Variants in IGF2BP3 observed in about 807,000 individuals in gnomAD.
IGF2BP3 encodes the protein insulin-like growth factor 2 mRNA-binding protein 3.
Under a neutral mutation model 73.8 loss-of-function variants are expected in IGF2BP3, and 9 were observed. The observed-to-expected ratio is 0.12, with a 90% CI of 0.07 to 0.21. The LOEUF (loss-of-function observed/expected upper bound fraction) is 0.21, where lower values mean the gene tolerates loss of function less well. IGF2BP3 is among the 10% of genes least tolerant of loss of function. The pLI, the probability that IGF2BP3 is intolerant of heterozygous loss-of-function variation, is 1.00. For synonymous variants in IGF2BP3, 258 were observed against 256.7 expected (o/e 1.01, Z -0.05); for missense variants, 542 against 714.0 (o/e 0.76, Z 2.75).
At chr7:23,403,667 G>A (rs1407621941) in intron 3 of IGF2BP3, among the ~76,000 whole-genome samples, 2 of 152,174 alleles carry the variant, frequency 1.3e-5, no homozygotes, top group Non-Finnish European at 2.9e-5. Flanking sequence ...AAAAAAGGAG[G>A]TTCTGCCTAG....
intron 5 of IGF2BP3, among the ~76,000 whole-genome samples, chr7:23,359,941 T>C (rs1204209279): frequency 6.6e-6 from 1 of 152,034 alleles, no homozygotes; most frequent in Admixed American, 6.6e-5. Flanking sequence ...CGAGACCTTA[T>C]ATAAATTGCC....
At chr7:23,454,948 G>A (rs1584063304) in intron 2 of IGF2BP3, among the ~76,000 whole-genome samples, 1 of 152,124 alleles carries the variant, frequency 6.6e-6, no homozygotes, top group Admixed American at 6.5e-5. Context: ...TCCTAGTCCT[G>A]TATCACAATT....
At chr7:23,397,479 CA>C (rs1367505788) in intron 3 of IGF2BP3, among the ~76,000 whole-genome samples, 2 of 152,214 alleles carry the variant, frequency 1.3e-5, no homozygotes, top group Admixed American at 6.5e-5. Context: ...TCTAAGGTCT[CA>C]AACTGGCCTT....
intron 3 of IGF2BP3, among the ~76,000 whole-genome samples, chr7:23,376,948 A>G (rs1050648071): frequency 6.6e-6 from 1 of 152,252 alleles, no homozygotes; most frequent in Admixed American, 6.5e-5. Flanking sequence ...TAAAGAAATC[A>G]GCAGGAATGT....
chr7:23,429,112 C>T (rs748891479), intron 2 of IGF2BP3, among the ~76,000 whole-genome samples: 1 of 152,148 alleles, frequency 6.6e-6, no homozygotes, highest in Non-Finnish European at 1.5e-5. Flanking sequence ...ACAATCTGGT[C>T]ACTAGAGGCA....
intron 2 of IGF2BP3, among the ~76,000 whole-genome samples, chr7:23,437,095 G>A (rs541558369): frequency 3.9e-4 from 60 of 152,044 alleles, no homozygotes; most frequent in African/African-American, 1.2e-3. Context: ...CTCCAGCCTG[G>A]GCGATAGAGT....
chr7:23,385,184 T>C (rs1786042944), intron 3 of IGF2BP3, among the ~76,000 whole-genome samples: 1 of 152,182 alleles, frequency 6.6e-6, no homozygotes, highest in South Asian at 2.1e-4. Flanking sequence ...ATAATGGAGC[T>C]CTCAAATCTA....
chr7:23,398,127 T>C (rs1360949389), intron 3 of IGF2BP3, among the ~76,000 whole-genome samples: 1 of 146,088 alleles, frequency 6.8e-6, no homozygotes, highest in Non-Finnish European at 1.5e-5. Context: ...GTGTTCTCAT[T>C]GTTCAGTTCC....
At chr7:23,444,022 C>G (rs1218984605) in intron 2 of IGF2BP3, among the ~76,000 whole-genome samples, 3 of 151,882 alleles carry the variant, frequency 2.0e-5, no homozygotes, top group Admixed American at 6.6e-5. Context: ...AAACAAAATA[C>G]AAAACAAAAA....
chr7:23,423,383 G>C (rs1027342901), intron 2 of IGF2BP3, among the ~76,000 whole-genome samples: 1 of 152,156 alleles, frequency 6.6e-6, no homozygotes, highest in African/African-American at 2.4e-5. Context: ...TTATATTTGG[G>C]TTTGATTCTA....
At chr7:23,458,530 C>T (rs1395489685) in intron 2 of IGF2BP3, among the ~76,000 whole-genome samples, 1 of 152,200 alleles carries the variant, frequency 6.6e-6, no homozygotes, top group Non-Finnish European at 1.5e-5. Flanking sequence ...AATCTAAGAA[C>T]ATATCCCCAG....
chr7:23,391,191 C>T (rs1484145169), intron 3 of IGF2BP3, among the ~76,000 whole-genome samples: 1 of 151,598 alleles, frequency 6.6e-6, no homozygotes, highest in African/African-American at 2.4e-5. Flanking sequence ...CCTCCACCCC[C>T]TGGGTTCAAG....
chr7:23,432,429 C>T (rs1720619639), intron 2 of IGF2BP3, among the ~76,000 whole-genome samples: 1 of 152,134 alleles, frequency 6.6e-6, no homozygotes, highest in Admixed American at 6.6e-5. Flanking sequence ...ACAATTGATA[C>T]AGGCACACAT....
chr7:23,414,662 G>T (rs1182264417), intron 3 of IGF2BP3: 1 of 152,910 alleles, frequency 6.5e-6, no homozygotes, highest in African/African-American at 2.4e-5. Context: ...TCTCAGCTTT[G>T]TGATGCCAGG....
intron 10 of IGF2BP3, among the ~76,000 whole-genome samples, chr7:23,328,753 A>G (rs992057162): frequency 6.6e-6 from 1 of 152,196 alleles, no homozygotes; most frequent in African/African-American, 2.4e-5. Flanking sequence ...ACAATCAACT[A>G]CCTACCTAAC....
At chr7:23,317,833 G>A (rs532355676) in intron 11 of IGF2BP3, 120 bp from the exon 12 acceptor site, 1 of 768,422 alleles carries the variant, frequency 1.3e-6, no homozygotes, top group East Asian at 2.5e-5. Flanking sequence ...CCTTCGTGAA[G>A]GAAATTAGGG....
chr7:23,344,452 T>C (rs1784785046), intron 8 of IGF2BP3, among the ~76,000 whole-genome samples: 1 of 152,238 alleles, frequency 6.6e-6, no homozygotes, highest in Non-Finnish European at 1.5e-5. Flanking sequence ...TTGACTAAAA[T>C]TTAAAATGGT....
intron 3 of IGF2BP3, among the ~76,000 whole-genome samples, chr7:23,372,220 A>G (rs183642013): frequency 1.3e-5 from 2 of 152,126 alleles, no homozygotes; most frequent in East Asian, 1.9e-4. Flanking sequence ...GACTACAGGC[A>G]CGTGCCTCCA....
intron 2 of IGF2BP3, among the ~76,000 whole-genome samples, chr7:23,422,616 A>G (rs886731912): frequency 6.6e-6 from 1 of 152,174 alleles, no homozygotes; most frequent in Admixed American, 6.5e-5. Context: ...AGAATCTCAT[A>G]CTCAAGGATC....
Sources: gnomAD v4.1 joint callset for allele counts (sites outside exome capture counted in the v4.1 genomes callset) on GRCh38, gnomAD v4.1.1 for gene constraint, MANE v1.5 for transcripts, NCBI Gene and HGNC (gene_info 2026-07-23, HGNC 2026-07-21) for gene names.